Variants in ZNF804B observed in about 807,000 individuals in gnomAD.
ZNF804B encodes the protein zinc finger protein 804B, also known as zinc finger 804B.
In ZNF804B, 80 loss-of-function variants were observed where a neutral mutation model predicts 101.4. The observed-to-expected ratio is 0.79, with a 90% CI of 0.66 to 0.95. ZNF804B has a LOEUF of 0.95. ZNF804B is among the 40% of genes least tolerant of loss of function. The pLI is 0.00. For missense variants in ZNF804B, 1,673 were observed against 1,561.9 expected (o/e 1.07, Z -1.20); for synonymous variants, 622 against 558.8 (o/e 1.11, Z -1.59).
chr7:89,312,120 C>G (rs1790656926), intron 2 of ZNF804B, among the ~76,000 whole-genome samples: 1 of 152,124 alleles, frequency 6.6e-6, no homozygotes, highest in Non-Finnish European at 1.5e-5. Flanking sequence ...TACCATATGC[C>G]ACTCCCTCAG....
chr7:89,002,355 A>C (rs546522758), intron 1 of ZNF804B, among the ~76,000 whole-genome samples: 81 of 151,932 alleles, frequency 5.3e-4, no homozygotes, highest in Middle Eastern at 7.2e-3. Flanking sequence ...TTCACATACA[A>C]AACCTAATCC....
intron 1 of ZNF804B, among the ~76,000 whole-genome samples, chr7:88,801,028 A>G (rs1359802055): frequency 6.6e-6 from 1 of 152,020 alleles, no homozygotes; most frequent in East Asian, 1.9e-4. Flanking sequence ...GTCTATTAGA[A>G]TAATCTAGTG....
intron 1 of ZNF804B, among the ~76,000 whole-genome samples, chr7:88,793,385 A>G (rs1586904632): frequency 6.6e-6 from 1 of 152,188 alleles, no homozygotes; most frequent in Admixed American, 6.6e-5. Flanking sequence ...TTTTCTGTGT[A>G]CCCTGCCATA....
chr7:89,149,820 A>G (rs1431606999), intron 1 of ZNF804B, among the ~76,000 whole-genome samples: 3 of 150,764 alleles, frequency 2.0e-5, no homozygotes, highest in Non-Finnish European at 4.4e-5. Flanking sequence ...CTAAAATTAC[A>G]TGAAGTCATT....
intron 1 of ZNF804B, among the ~76,000 whole-genome samples, chr7:88,890,255 C>T (rs541292553): frequency 1.3e-5 from 2 of 152,120 alleles, no homozygotes; most frequent in East Asian, 3.9e-4. Context: ...TCAATTTTAA[C>T]TTTGAATTTT....
chr7:89,140,155 C>A (rs1169534104), intron 1 of ZNF804B, among the ~76,000 whole-genome samples: 1 of 151,788 alleles, frequency 6.6e-6, no homozygotes, highest in African/African-American at 2.4e-5. Context: ...TGAAATAAAT[C>A]TTTTTTCTGA....
At chr7:88,795,028 A>T in intron 1 of ZNF804B, 2 of 1,131,964 alleles carry the variant, frequency 1.8e-6, no homozygotes, top group Non-Finnish European at 2.4e-6. Context: ...TTACTGATGA[A>T]CTCGTGTTTT....
At chr7:88,991,991 T>C (rs1267668907) in intron 1 of ZNF804B, among the ~76,000 whole-genome samples, 1 of 152,164 alleles carries the variant, frequency 6.6e-6, no homozygotes, top group East Asian at 1.9e-4. Flanking sequence ...TGCTGTACTC[T>C]TCCACAATTC....
chr7:89,074,637 A>C (rs1717818223), intron 1 of ZNF804B, among the ~76,000 whole-genome samples: 1 of 152,162 alleles, frequency 6.6e-6, no homozygotes, highest in African/African-American at 2.4e-5. Flanking sequence ...GCAGCATGAA[A>C]ATGAACTAAT....
intron 1 of ZNF804B, among the ~76,000 whole-genome samples, chr7:88,983,532 A>G (rs10268089): frequency 0.14 from 20,547 of 151,922 alleles, 1,769 homozygotes; most frequent in East Asian, 0.29. Flanking sequence ...CACTATGCAC[A>G]TGTTATAGTT....
intron 1 of ZNF804B, among the ~76,000 whole-genome samples, chr7:88,956,695 CAG>C (rs1277949818): frequency 6.6e-6 from 1 of 150,804 alleles, no homozygotes; most frequent in Admixed American, 6.6e-5. Context: ...CCAAGGAACA[CAG>C]AAAAAATATT....
chr7:89,312,258 G>T (rs1299962434), intron 2 of ZNF804B, among the ~76,000 whole-genome samples: 5 of 152,260 alleles, frequency 3.3e-5, no homozygotes, highest in African/African-American at 9.6e-5. Flanking sequence ...GTGTCTGTAG[G>T]CCTGGCTGTA....
chr7:89,158,613 G>T (rs1156955200), intron 1 of ZNF804B, among the ~76,000 whole-genome samples: 2 of 151,866 alleles, frequency 1.3e-5, no homozygotes, highest in African/African-American at 4.8e-5. Context: ...TCTTCATCTT[G>T]CTTAAATACC....
chr7:89,019,601 T>C (rs1245720176), intron 1 of ZNF804B, among the ~76,000 whole-genome samples: 2 of 152,046 alleles, frequency 1.3e-5, no homozygotes, highest in Admixed American at 1.3e-4. Flanking sequence ...TATTACTGTT[T>C]TGTGGCACAA....
At chr7:89,050,368 T>C (rs1166501100) in intron 1 of ZNF804B, among the ~76,000 whole-genome samples, 3 of 152,188 alleles carry the variant, frequency 2.0e-5, no homozygotes, top group African/African-American at 7.2e-5. Context: ...TCATGTGGTC[T>C]AAAATGATTC....
rs201597943 is a variant in ZNF804B, at chr7:89,208,081, G to GTTTTTT, written c.109-10074_109-10073insTTTTTT. ...GTGTGTTATATTTACTATTTTATTG[G>GTTTTTT]GTTTTTTTTTTTTTTTTTGAGACAG... On this transcript the variant is annotated intron_variant, in intron 1 of 3. Transcript: ENST00000333190. Among the ~76,000 whole-genome samples, 2 of 135,422 alleles carry GTTTTTT rather than the reference G, an allele frequency of 1.5e-5. 1 individual carries two copies. The allele number at this position is 135,422 out of a possible 152,430, so 88.8% of individuals were successfully genotyped here. A position where few individuals can be genotyped will look rare whatever the true frequency, so the allele number is the denominator to read the frequency against.
At chr7:88,856,150 T>C (rs1299238939) in intron 1 of ZNF804B, among the ~76,000 whole-genome samples, 1 of 152,176 alleles carries the variant, frequency 6.6e-6, no homozygotes, top group African/African-American at 2.4e-5. Flanking sequence ...AGAAAGTCAT[T>C]GGTAGCTTGA....
At chr7:88,820,322 C>T (rs1298613557) in intron 1 of ZNF804B, among the ~76,000 whole-genome samples, 1 of 152,150 alleles carries the variant, frequency 6.6e-6, no homozygotes, top group Non-Finnish European at 1.5e-5. Flanking sequence ...TTTTGGGAAG[C>T]TATCAATGAG....
At chr7:88,917,280 A>C (rs12671363) in intron 1 of ZNF804B, among the ~76,000 whole-genome samples, 66,431 of 151,872 alleles carry the variant, frequency 0.44, 15,909 homozygotes, top group African/African-American at 0.64. Flanking sequence ...AAAACTAAAA[A>C]TAAAAATAAA....
Sources: allele counts gnomAD v4.1 joint callset (sites outside exome capture counted in the v4.1 genomes callset), GRCh38; gene constraint gnomAD v4.1.1; transcripts MANE v1.5; gene names NCBI Gene and HGNC (gene_info 2026-07-23, HGNC 2026-07-21).